TRAPPC9: variants seen among roughly 807,000 people sequenced by gnomAD.
TRAPPC9 encodes IKK2 binding protein.
TRAPPC9 carries 83 observed loss-of-function variants against 124.0 expected under a neutral mutation model. The ratio of observed to expected loss-of-function variants is 0.67; its 90% CI spans 0.56 to 0.80. The LOEUF is 0.80. TRAPPC9 is among the 30% of genes least tolerant of loss of function. The probability of loss-of-function intolerance (pLI) is 0.00; values close to 1 mark genes in which losing one functional copy is unlikely to be tolerated. For missense variants in TRAPPC9, 1,302 were observed against 1,508.3 expected (o/e 0.86, Z 2.27); for synonymous variants, 638 against 617.5 (o/e 1.03, Z -0.49).
rs192238513 is a variant in TRAPPC9 at position 139,935,220 on chromosome 8, G to T, written c.2811-24920C>A. On this transcript the variant is annotated intron_variant, in intron 19 of 22. Coordinates refer to ENST00000438773, the MANE Select transcript of TRAPPC9 (RefSeq NM_001160372.4). ...GAACCCCAAAATGGTAGACTCGGGG[G>T]TTCTTCAATGTAGTGGCTGCCAGGG... is the stretch of plus-strand genomic sequence containing the variant. Among the ~76,000 whole-genome samples the T allele has an allele frequency of 3.9e-3, 595 of 152,268 alleles. 3 individuals are homozygous for T. Among genetic ancestry groups the T allele is most frequent in the African/African-American group, 0.013 (537 of 41,552 alleles).
intron 9 of TRAPPC9, among the ~76,000 whole-genome samples, chr8:140,352,292 TCTTTTATTTTAGTAAGA>T (rs1462318871): frequency 6.6e-6 from 1 of 152,282 alleles, no homozygotes; most frequent in East Asian, 1.9e-4. Context: ...CTCAAAAACT[TCTTTTATTTTAGTAAGA>T]CTTTTGGTTT....
chr8:140,405,811 T>C lies in TRAPPC9; in HGVS notation c.887-113A>G, dbSNP rs1218712765. The C allele has an allele frequency of 4.1e-6, 5 of 1,227,890 alleles. No individual in the cohort carries two copies. The African/African-American group carries it at 4.5e-5, about 11-fold the overall frequency. 76.1% of individuals were successfully genotyped at this position (1,227,890 alleles called of 1,614,324 possible). A position where few individuals can be genotyped will look rare whatever the true frequency, so the allele number is the denominator to read the frequency against. On this transcript the variant is annotated intron_variant, in intron 5 of 22. Coordinates refer to ENST00000438773, the MANE Select transcript of TRAPPC9 (RefSeq NM_001160372.4). ...TAAATATGCCCTACTGAAATTTAAA[T>C]AATGTAAGTGTTTAGTCTTCACAGC...
intron 20 of TRAPPC9, 90 bp downstream of exon 20, chr8:139,910,057 C>T (rs1185348557): frequency 2.0e-6 from 3 of 1,476,510 alleles, no homozygotes; most frequent in Non-Finnish European, 2.8e-6. Context: ...GGTGAAAATT[C>T]AATAGCTAAG....
chr8:140,327,835 G>A (rs958539628), intron 9 of TRAPPC9, among the ~76,000 whole-genome samples: 5 of 152,088 alleles, frequency 3.3e-5, no homozygotes, highest in African/African-American at 4.8e-5. Flanking sequence ...AATGGAGGGC[G>A]GTGATGGTTG....
chr8:140,094,117 G>A (rs1844764039), intron 17 of TRAPPC9, among the ~76,000 whole-genome samples: 1 of 152,104 alleles, frequency 6.6e-6, no homozygotes. Context: ...ACCTCACCCT[G>A]TGGACTGACT....
rs200082053 is a variant in TRAPPC9, at chr8:140,287,690, C to T, written c.1899G>A (p.Ala633=). The T allele has an allele frequency of 4.3e-5, 69 of 1,614,168 alleles. No homozygotes were observed. In the African/African-American group the frequency reaches 4.4e-4, roughly 10 times the overall value. ...GACCAGATTCAGCCGGAAGAGAAAG[C>T]GCCGCAGGGAGAGACTCGAACTCCA... is the stretch of plus-strand genomic sequence containing the variant. ...SGVEFESLPA[A]LSLPAESGLY... is the part of the protein sequence containing the mutation. Residue 633 remains alanine (A), a synonymous_variant, in exon 13 of 23, where the codon GCG becomes GCA. Coordinates refer to ENST00000438773, the MANE Select transcript of TRAPPC9 (RefSeq NM_001160372.4).
Position 140,042,686 on chromosome 8 carries a change from G to C in TRAPPC9, c.2557-18607C>G, listed in dbSNP as rs115093128. ...GCCCACGCCCTCTGCAGATGCCAGAGCAAAGCAAAGGTGGCAGAGCCCCCA... is the reference window on the plus strand; with the variant it reads ...GCCCACGCCCTCTGCAGATGCCAGACCAAAGCAAAGGTGGCAGAGCCCCCA... On this transcript the variant is annotated intron_variant, in intron 17 of 22. Coordinates refer to ENST00000438773, the MANE Select transcript of TRAPPC9 (RefSeq NM_001160372.4). Among the ~76,000 whole-genome samples the C allele has an allele frequency of 7.8e-3, 1,187 of 152,334 alleles. 14 individuals are homozygous for C. Among genetic ancestry groups the C allele is most frequent in the African/African-American group, 0.027 (1,120 of 41,564 alleles).
At chr8:140,288,623 A>G (rs1001461234) in intron 12 of TRAPPC9, among the ~76,000 whole-genome samples, 4 of 152,208 alleles carry the variant, frequency 2.6e-5, no homozygotes, top group Non-Finnish European at 5.9e-5. Flanking sequence ...CTCACAGAAA[A>G]CAAAACCAGG....
At chr8:139,978,455 T>A (rs1216071292) in intron 19 of TRAPPC9, among the ~76,000 whole-genome samples, 3 of 152,228 alleles carry the variant, frequency 2.0e-5, no homozygotes, top group Non-Finnish European at 4.4e-5. Context: ...TATTGTGACA[T>A]TTAAAAAGAG....
At chr8:139,903,021 T>C (rs1831118072) in intron 20 of TRAPPC9, among the ~76,000 whole-genome samples, 1 of 152,206 alleles carries the variant, frequency 6.6e-6, no homozygotes, top group Non-Finnish European at 1.5e-5. Flanking sequence ...AGAGGGTGAC[T>C]GTTGTCTGCA....
chr8:139,851,451 T>C (rs1827452789), intron 21 of TRAPPC9, among the ~76,000 whole-genome samples: 1 of 152,116 alleles, frequency 6.6e-6, no homozygotes, highest in African/African-American at 2.4e-5. Flanking sequence ...AACAGGATGG[T>C]GGTTAGACGG....
At chr8:139,974,960 T>C (rs914442513) in intron 19 of TRAPPC9, among the ~76,000 whole-genome samples, 4 of 151,994 alleles carry the variant, frequency 2.6e-5, no homozygotes, top group Admixed American at 6.6e-5. Flanking sequence ...TCAGCAGACC[T>C]AGATCAGCCG....
At chr8:139,823,636 T>C (rs1293442557) in intron 21 of TRAPPC9, among the ~76,000 whole-genome samples, 1 of 152,068 alleles carries the variant, frequency 6.6e-6, no homozygotes, top group Admixed American at 6.5e-5. Flanking sequence ...CGGGGGTCTC[T>C]CCCAGGTGGA....
At chr8:140,293,763 C>T (rs546757525) in intron 11 of TRAPPC9, among the ~76,000 whole-genome samples, 65 of 152,044 alleles carry the variant, frequency 4.3e-4, no homozygotes, top group African/African-American at 1.3e-3. Flanking sequence ...ATACCTAATG[C>T]TAAATGACAA....
intron 17 of TRAPPC9, among the ~76,000 whole-genome samples, chr8:140,148,107 CG>C (rs2061489456): frequency 6.6e-6 from 1 of 152,154 alleles, no homozygotes; most frequent in South Asian, 2.1e-4. Flanking sequence ...GTCACGCACA[CG>C]GGAAGCCCCC....
intron 17 of TRAPPC9, among the ~76,000 whole-genome samples, chr8:140,107,694 T>C (rs989499162): frequency 6.6e-6 from 1 of 152,100 alleles, no homozygotes; most frequent in Non-Finnish European, 1.5e-5. Flanking sequence ...GGCGAAGGCA[T>C]GGAAATCATT....
At chr8:140,094,404 G>A (rs1587691935) in intron 17 of TRAPPC9, among the ~76,000 whole-genome samples, 5 of 152,266 alleles carry the variant, frequency 3.3e-5, no homozygotes, top group African/African-American at 7.2e-5. Flanking sequence ...CGAGAGCCAC[G>A]CACGGTCATT....
chr8:139,825,147 A>G lies in TRAPPC9; in HGVS notation c.3055+60732T>C, dbSNP rs1825535443. Among the ~76,000 whole-genome samples the G allele has an allele frequency of 6.6e-6, 1 of 152,080 alleles. No individual in the cohort carries two copies. Among genetic ancestry groups the G allele is most frequent in the Non-Finnish European group, 1.5e-5 (1 of 67,980 alleles). On this transcript the variant is annotated intron_variant, in intron 21 of 22. Coordinates refer to ENST00000438773, the MANE Select transcript of TRAPPC9 (RefSeq NM_001160372.4). The surrounding 1 kb of genome is among the most constrained non-coding windows in gnomAD (Gnocchi z 4.6). Reference sequence around the variant, plus strand: ...ACGTGGGCTGCGGGACTACAGGATTACAGAGGGGTCTGAGAAGGTCTTACT... The same window carrying G: ...ACGTGGGCTGCGGGACTACAGGATTGCAGAGGGGTCTGAGAAGGTCTTACT...
At chr8:139,852,383 C>T (rs1385633853) in intron 21 of TRAPPC9, among the ~76,000 whole-genome samples, 5 of 152,306 alleles carry the variant, frequency 3.3e-5, no homozygotes, top group African/African-American at 1.2e-4. Flanking sequence ...ATTTCTGGTA[C>T]CGGATCATGA....
Sources: gnomAD v4.1 joint callset for allele counts (sites outside exome capture counted in the v4.1 genomes callset) on GRCh38, gnomAD v4.1.1 for gene constraint, Gnocchi (gnomAD v3.1) non-coding constraint, MANE v1.5 for transcripts, NCBI Gene and HGNC (gene_info 2026-07-23, HGNC 2026-07-21) for gene names.